SERGEF: variants seen among roughly 807,000 people sequenced by gnomAD.
SERGEF encodes secretion regulating guanine nucleotide exchange factor.
A neutral mutation model predicts 50.0 loss-of-function variants in SERGEF; 51 were observed. That is an observed-to-expected ratio of 1.02 (90% CI 0.81 to 1.29). SERGEF has a LOEUF of 1.29. Ranked by LOEUF, SERGEF falls within the 50% of genes most tolerant of loss-of-function variation. SERGEF has a pLI of 0.00. For synonymous variants in SERGEF, 205 were observed against 212.4 expected (o/e 0.97, Z 0.30); for missense variants, 521 against 557.0 (o/e 0.94, Z 0.65).
intron 10 of SERGEF, among the ~76,000 whole-genome samples, chr11:17,790,417 G>C (rs972249194): frequency 6.6e-6 from 1 of 151,630 alleles, no homozygotes; most frequent in African/African-American, 2.4e-5. Context: ...TACAGATCTA[G>C]TTCAGTTATT....
intron 9 of SERGEF, among the ~76,000 whole-genome samples, chr11:17,891,057 CCTAA>C (rs1361592269): frequency 2.6e-5 from 4 of 152,130 alleles, no homozygotes; most frequent in Non-Finnish European, 5.9e-5. Flanking sequence ...CTCAATTTGG[CCTAA>C]CTAAACTTCT....
chr11:17,827,067 A>G (rs990535982), intron 10 of SERGEF, among the ~76,000 whole-genome samples: 7 of 152,234 alleles, frequency 4.6e-5, no homozygotes, highest in Non-Finnish European at 7.3e-5. Context: ...CCGAAAATTT[A>G]TCTCAAGCCT....
At chr11:17,799,431 C>G (rs1368998651) in intron 10 of SERGEF, among the ~76,000 whole-genome samples, 2 of 152,146 alleles carry the variant, frequency 1.3e-5, no homozygotes, top group Non-Finnish European at 2.9e-5. Flanking sequence ...CAGGTTGTTT[C>G]CATTAAAAGT....
chr11:17,930,384 G>C (rs1390910863), intron 9 of SERGEF, among the ~76,000 whole-genome samples: 5 of 152,156 alleles, frequency 3.3e-5, no homozygotes, highest in Admixed American at 3.3e-4. Context: ...GAAGGTCAAA[G>C]ATAGCATCCC....
At chr11:17,973,534 C>T (rs1241589779) in intron 8 of SERGEF, among the ~76,000 whole-genome samples, 1 of 152,098 alleles carries the variant, frequency 6.6e-6, no homozygotes, top group Non-Finnish European at 1.5e-5. Context: ...AGCAATTCAC[C>T]CAGAGGCAGC....
intron 10 of SERGEF, among the ~76,000 whole-genome samples, chr11:17,820,793 G>A (rs1850066743): frequency 6.6e-6 from 1 of 152,178 alleles, no homozygotes; most frequent in Admixed American, 6.5e-5. Flanking sequence ...GAGCCTAAAT[G>A]TCATCACAAG....
At chr11:17,988,873 A>G (rs942183936) in intron 7 of SERGEF, 118 bp from the exon 8 acceptor site, 14 of 971,728 alleles carry the variant, frequency 1.4e-5, no homozygotes, top group Non-Finnish European at 2.1e-5. Flanking sequence ...TTAGACTACA[A>G]GGTTGAGTGG....
chr11:17,981,138 TC>T (rs1381995332), intron 8 of SERGEF, among the ~76,000 whole-genome samples: 2 of 152,246 alleles, frequency 1.3e-5, no homozygotes, highest in African/African-American at 4.8e-5. Context: ...GGTCACTCCT[TC>T]GGCCCTTGGC....
At chr11:17,996,677 T>C (rs1853844054) in intron 5 of SERGEF, among the ~76,000 whole-genome samples, 1 of 152,236 alleles carries the variant, frequency 6.6e-6, no homozygotes, top group African/African-American at 2.4e-5. Flanking sequence ...GAGTATCCTA[T>C]AAACAGCAGT....
At chr11:17,956,837 C>G (rs1388277794) in intron 9 of SERGEF, among the ~76,000 whole-genome samples, 1 of 152,186 alleles carries the variant, frequency 6.6e-6, no homozygotes, top group Admixed American at 6.5e-5. Flanking sequence ...CCAGGTATCT[C>G]TGCACCTCTC....
At chr11:17,886,229 CT>C (rs1851425487) in intron 9 of SERGEF, among the ~76,000 whole-genome samples, 1 of 152,116 alleles carries the variant, frequency 6.6e-6, no homozygotes, top group African/African-American at 2.4e-5. Context: ...TGACCCTGTT[CT>C]ACAGATACAT....
At chr11:17,822,063 A>G (rs923336281) in intron 10 of SERGEF, among the ~76,000 whole-genome samples, 1 of 152,210 alleles carries the variant, frequency 6.6e-6, no homozygotes, top group Non-Finnish European at 1.5e-5. Context: ...AGCCATAGAC[A>G]GAACCTTATG....
At chr11:17,890,658 C>T (rs1381547539) in intron 9 of SERGEF, among the ~76,000 whole-genome samples, 1 of 152,044 alleles carries the variant, frequency 6.6e-6, no homozygotes, top group African/African-American at 2.4e-5. Flanking sequence ...TGGGCTCAAG[C>T]GATACTCCCA....
intron 9 of SERGEF, among the ~76,000 whole-genome samples, chr11:17,881,937 T>A (rs1310004456): frequency 6.6e-6 from 1 of 152,238 alleles, no homozygotes; most frequent in East Asian, 1.9e-4. Context: ...GGTCCCTGTT[T>A]ACCTCTCTGG....
At position 17,788,291 on chromosome 11, in the gene SERGEF, A is replaced by G. The variant is rs1452865548; in HGVS notation, c.1171T>C (p.Cys391Arg). 2 of 1,614,100 alleles carry G rather than the reference A, an allele frequency of 1.2e-6. No homozygotes were observed. Among genetic ancestry groups the G allele is most frequent in the Admixed American group, 3.3e-5 (2 of 60,008 alleles). ...AGGGCCAAGGAGTGGCCAGCCCCAC[A>G]GCCCACAAGGAGTCCTGACGATGAC... is the stretch of plus-strand genomic sequence containing the variant. ...LLSSSGLLVG[C>R]GAGHSLALCQ... Residue 391 changes from cysteine to arginine, a missense_variant, in exon 11 of 11, where the codon TGT becomes CGT. Physicochemically the swap from Cys to Arg is radical, Grantham distance 180. Transcript: ENST00000265965.
chr11:17,810,052 A>T (rs1466265530), intron 10 of SERGEF, among the ~76,000 whole-genome samples: 2 of 151,456 alleles, frequency 1.3e-5, no homozygotes, highest in African/African-American at 4.9e-5. Flanking sequence ...TCTTTCTTTG[A>T]CCCTAGTGTA....
rs1191149904 is a variant in SERGEF, at chr11:17,888,776, CAACT to C, written c.1012-10536_1012-10533del. ...CAGACCCTGGCTTTTAAATACCATT[CAACT>C]AAGAGGGATCAGAGCTCCTCGGAGA... is the stretch of plus-strand genomic sequence containing the variant. On this transcript the variant is annotated intron_variant, in intron 9 of 10. Transcript: ENST00000265965. This position sits in a 1 kb window ranked among gnomAD's most constrained non-coding sequence, Gnocchi z 4.1. 6.6e-6 allele frequency among the ~76,000 whole-genome samples: 1 copy of C among 152,092 alleles called. No homozygotes were observed. The highest frequency in any genetic ancestry group is 1.5e-5 in the Non-Finnish European group (1 of 68,042).
intron 9 of SERGEF, among the ~76,000 whole-genome samples, chr11:17,886,283 A>G (rs1318072418): frequency 6.6e-6 from 1 of 152,196 alleles, no homozygotes; most frequent in East Asian, 1.9e-4. Flanking sequence ...AAAGGAGACT[A>G]TAAGCATTAG....
chr11:18,004,391 T>C (rs1207979886), intron 4 of SERGEF, 50 bp downstream of exon 4: 1 of 1,368,050 alleles, frequency 7.3e-7, no homozygotes, highest in South Asian at 1.2e-5. Context: ...GTTAATACCT[T>C]GGAAACACTT....
Sources: gnomAD v4.1 joint callset for allele counts (sites outside exome capture counted in the v4.1 genomes callset) on GRCh38, gnomAD v4.1.1 for gene constraint, Gnocchi (gnomAD v3.1) non-coding constraint, MANE v1.5 for transcripts, NCBI Gene and HGNC (gene_info 2026-07-23, HGNC 2026-07-21) for gene names.